EEA1: variants seen among roughly 807,000 people sequenced by gnomAD.
EEA1 encodes early endosome antigen 1.
In EEA1, 111 loss-of-function variants were observed where a neutral mutation model predicts 209.2. That is an observed-to-expected ratio of 0.53 (90% CI 0.45 to 0.62). The LOEUF is 0.62. Among genes scored for constraint, EEA1 ranks in the 20% least tolerant of loss-of-function variants. The probability of loss-of-function intolerance (pLI) is 0.00; values close to 1 mark genes in which losing one functional copy is unlikely to be tolerated. For synonymous variants in EEA1, 536 were observed against 540.6 expected (o/e 0.99, Z 0.12); for missense variants, 1,343 against 1,530.8 (o/e 0.88, Z 2.05).
chr12:92,814,171 A>G (rs1028144439), intron 15 of EEA1, among the ~76,000 whole-genome samples: 13 of 152,310 alleles, frequency 8.5e-5, no homozygotes, highest in Admixed American at 6.5e-4. Flanking sequence ...TAAGATTTAC[A>G]TTGTATGGAT....
intron 1 of EEA1, among the ~76,000 whole-genome samples, chr12:92,903,793 G>A (rs1259280486): frequency 1.3e-5 from 2 of 151,888 alleles, no homozygotes; most frequent in Non-Finnish European, 2.9e-5. Flanking sequence ...AGATTAAAAG[G>A]TAATCATATA....
chr12:92,929,005 G>C (rs1881322608), intron 1 of EEA1, 38 bp downstream of exon 1: 1 of 1,574,668 alleles, frequency 6.4e-7, no homozygotes, highest in African/African-American at 1.4e-5. Context: ...CGGCTGTCCC[G>C]CTCACGTGCT....
chr12:92,788,122 A>T, intron 21 of EEA1, 73 bp from the exon 22 acceptor site: 1 of 1,299,698 alleles, frequency 7.7e-7, no homozygotes, highest in Non-Finnish European at 1.0e-6. Flanking sequence ...TAAAATCCAG[A>T]CAACTAGAAG....
intron 5 of EEA1, among the ~76,000 whole-genome samples, chr12:92,856,074 T>C (rs943811042): frequency 6.6e-6 from 1 of 152,224 alleles, no homozygotes; most frequent in Admixed American, 6.5e-5. Context: ...TGCCAATTCT[T>C]GGTGCAAAGG....
chr12:92,799,062 G>A lies in EEA1; in HGVS notation c.2797C>T (p.Leu933Phe), dbSNP rs1565812746. 1.3e-6 allele frequency: 2 copies of A among 1,590,122 alleles called. No individual in the cohort carries two copies. The highest frequency in any genetic ancestry group is 1.7e-6 in the Non-Finnish European group (2 of 1,172,184). The part of the protein sequence containing the change: ...KEASHQLKLE[L>F]NSMQEQLIQA... ...ATAAGTTGTTCCTGCATTGAATTGAGTTCCAATTTCAACTGATGAGAAGCC... is the reference window on the plus strand; with the variant it reads ...ATAAGTTGTTCCTGCATTGAATTGAATTCCAATTTCAACTGATGAGAAGCC... The change falls in exon 21 of 29, where the codon CTC becomes TTC. Residue 933 changes from leucine to phenylalanine, a missense_variant. Transcript: ENST00000322349.
intron 2 of EEA1, among the ~76,000 whole-genome samples, chr12:92,871,351 A>C (rs1878635105): frequency 6.6e-6 from 1 of 152,176 alleles, no homozygotes; most frequent in Admixed American, 6.5e-5. Flanking sequence ...GCAAGGAAAA[A>C]CCAGCTATTT....
intron 1 of EEA1, among the ~76,000 whole-genome samples, chr12:92,900,612 G>A (rs1880105438): frequency 6.6e-6 from 1 of 151,290 alleles, no homozygotes; most frequent in Non-Finnish European, 1.5e-5. Context: ...AAAAGTAAAT[G>A]GCGAAAATGT....
intron 1 of EEA1, among the ~76,000 whole-genome samples, chr12:92,904,434 T>C (rs1880282955): frequency 6.6e-6 from 1 of 152,200 alleles, no homozygotes; most frequent in South Asian, 2.1e-4. Flanking sequence ...GAACAAATGT[T>C]TGAGTTTTCC....
chr12:92,786,612 T>C (rs2136654148), intron 22 of EEA1, among the ~76,000 whole-genome samples: 1 of 152,240 alleles, frequency 6.6e-6, no homozygotes, highest in South Asian at 2.1e-4. Context: ...TCTTTAATGT[T>C]CATCCCAGTT....
intron 15 of EEA1, among the ~76,000 whole-genome samples, chr12:92,815,513 C>T (rs976210599): frequency 1.2e-4 from 18 of 152,012 alleles, no homozygotes; most frequent in Non-Finnish European, 2.4e-4. Context: ...TATTATATTC[C>T]GTCTTTCCAG....
At chr12:92,886,855 G>A (rs1428803880) in intron 2 of EEA1, among the ~76,000 whole-genome samples, 16 of 151,806 alleles carry the variant, frequency 1.1e-4, no homozygotes, top group South Asian at 2.1e-4. Flanking sequence ...AAAATTAGCC[G>A]GGTGTGGTGG....
chr12:92,818,606 G>A (rs73217856), intron 14 of EEA1, among the ~76,000 whole-genome samples: 11,385 of 152,096 alleles, frequency 0.075, 520 homozygotes, highest in Middle Eastern at 0.12. Context: ...TTTGAAATTT[G>A]GGGGGAAATC....
At chr12:92,855,431 C>CAAAAA (rs56959398) in intron 5 of EEA1, among the ~76,000 whole-genome samples, 3 of 96,152 alleles carry the variant, frequency 3.1e-5, no homozygotes, top group Admixed American at 1.1e-4. Flanking sequence ...GACTCTGTCT[C>CAAAAA]AAAAAAAAAA....
intron 15 of EEA1, among the ~76,000 whole-genome samples, chr12:92,815,694 C>T (rs1469039792): frequency 2.0e-5 from 3 of 151,588 alleles, no homozygotes; most frequent in East Asian, 1.9e-4. Context: ...TGAAAGAATA[C>T]GGCACCATGT....
intron 1 of EEA1, among the ~76,000 whole-genome samples, chr12:92,896,515 T>C (rs926843164): frequency 6.6e-6 from 1 of 152,168 alleles, no homozygotes; most frequent in Non-Finnish European, 1.5e-5. Context: ...TCAAACAGCA[T>C]GCTACAGGGA....
chr12:92,864,716 G>A, intron 3 of EEA1, 144 bp downstream of exon 3: 2 of 744,740 alleles, frequency 2.7e-6, no homozygotes, highest in South Asian at 5.5e-5. Context: ...TAACAATAGT[G>A]GAGGAAGGAT....
At chr12:92,883,212 T>A (rs1832934045) in intron 2 of EEA1, among the ~76,000 whole-genome samples, 1 of 152,242 alleles carries the variant, frequency 6.6e-6, no homozygotes, top group Non-Finnish European at 1.5e-5. Flanking sequence ...GTATGTCTTC[T>A]GAGAAGTGTC....
At chr12:92,788,077 AG>A (rs762378747) in intron 21 of EEA1, 28 bp from the exon 22 acceptor site, 1 of 1,482,324 alleles carries the variant, frequency 6.7e-7, no homozygotes, top group East Asian at 2.4e-5. Context: ...TATTTAAAAC[AG>A]TATGCATTCC....
chr12:92,788,689 C>CT (rs1361346232), intron 21 of EEA1, among the ~76,000 whole-genome samples: 3 of 152,084 alleles, frequency 2.0e-5, no homozygotes, highest in Admixed American at 6.6e-5. Context: ...AATATACTAC[C>CT]TTCAATAAAA....
Sources: allele counts gnomAD v4.1 joint callset (sites outside exome capture counted in the v4.1 genomes callset), GRCh38; gene constraint gnomAD v4.1.1; transcripts MANE v1.5; gene names NCBI Gene and HGNC (gene_info 2026-07-23, HGNC 2026-07-21).